NF1: variants seen among roughly 807,000 people sequenced by gnomAD.
The protein encoded by NF1 is neurofibromin.
NF1 carries 122 observed loss-of-function variants against 325.7 expected under a neutral mutation model. The observed-to-expected ratio is 0.37, with a 90% CI of 0.32 to 0.44. The LOEUF is 0.44. Ranked by LOEUF, NF1 falls within the 20% of genes least tolerant of loss-of-function variation. The probability of loss-of-function intolerance (pLI) is 1.00; values close to 1 mark genes in which losing one functional copy is unlikely to be tolerated. For synonymous variants in NF1, 1,091 were observed against 1,186.0 expected (o/e 0.92, Z 1.65); for missense variants, 2,140 against 3,415.4 (o/e 0.63, Z 9.31).
chr17:31,207,507 G>C (rs2066644772), intron 12 of NF1, among the ~76,000 whole-genome samples: 1 of 152,084 alleles, frequency 6.6e-6, no homozygotes, highest in African/African-American at 2.4e-5. Flanking sequence ...TGTTCAAATA[G>C]AGAAGTTTTT....
chr17:31,304,544 C>T, intron 36 of NF1: 1 of 1,614,136 alleles, frequency 6.2e-7, no homozygotes, highest in East Asian at 2.2e-5. Flanking sequence ...GTGGGTTTGT[C>T]AGATTGGTTA....
At chr17:31,373,962 T>C (rs2151601031) in intron 57 of NF1, 51 bp from the exon 58 acceptor site, 1 of 1,610,936 alleles carries the variant, frequency 6.2e-7, no homozygotes, top group Non-Finnish European at 8.5e-7. Context: ...GCAATGAAAT[T>C]CAGTCCTGGA....
intron 19 of NF1, 92 bp downstream of exon 19, chr17:31,227,383 G>C: frequency 6.7e-7 from 1 of 1,488,804 alleles, no homozygotes; most frequent in Non-Finnish European, 9.4e-7. Context: ...AATAGCTTTT[G>C]AAGTAAATCC....
chr17:31,103,821 A>G (rs1202106108), intron 1 of NF1, among the ~76,000 whole-genome samples: 1 of 152,092 alleles, frequency 6.6e-6, no homozygotes, highest in Non-Finnish European at 1.5e-5. Flanking sequence ...AGTAAAAAAA[A>G]CAAATAAAAA....
intron 49 of NF1, 77 bp downstream of exon 49, chr17:31,349,328 A>G (rs2151573288): frequency 6.6e-7 from 1 of 1,505,100 alleles, no homozygotes; most frequent in Non-Finnish European, 9.0e-7. Flanking sequence ...AAATACCTAT[A>G]GGTTTTTTGG....
At chr17:31,128,574 C>T (rs756872813) in intron 1 of NF1, 1 of 151,904 alleles carries the variant, frequency 6.6e-6, no homozygotes, top group Non-Finnish European at 1.5e-5. Flanking sequence ...TTTTCCTTTG[C>T]TTATGTAGCT....
At position 31,345,744 on chromosome 17, in the gene NF1, G is replaced by A. The variant is rs919314233; in HGVS notation, c.7189+2609G>A. The A allele has an allele frequency of 5.0e-4, 776 of 1,553,302 alleles. 1 individual carries two copies. Among genetic ancestry groups the A allele is most frequent in the Non-Finnish European group, 3.8e-4 (422 of 1,124,688 alleles). On this transcript the variant is annotated intron_variant, in intron 48 of 57. Coordinates refer to ENST00000358273, the MANE Select transcript of NF1 (RefSeq NM_001042492.3). ...TGTGATCACACGCCTAATGATGTCC[G>A]AGTTGGAGAATAGGCGTGGCCAGCA...
chr17:31,246,647 G>A (rs1403410197), intron 29 of NF1, among the ~76,000 whole-genome samples: 1 of 152,158 alleles, frequency 6.6e-6, no homozygotes, highest in Non-Finnish European at 1.5e-5. Context: ...TGTATTTTGA[G>A]AGTTCAGATT....
At chr17:31,107,082 A>T (rs1021121778) in intron 1 of NF1, among the ~76,000 whole-genome samples, 11 of 152,028 alleles carry the variant, frequency 7.2e-5, no homozygotes, top group Non-Finnish European at 1.3e-4. Flanking sequence ...TCCCTATAAC[A>T]ACCCTCAAAT....
At chr17:31,320,026 A>T (rs1165458872) in intron 36 of NF1, among the ~76,000 whole-genome samples, 1 of 152,124 alleles carries the variant, frequency 6.6e-6, no homozygotes. Context: ...CAAAAAGGAG[A>T]CAAGTTATAT....
chr17:31,132,144 G>A (rs1212841419), intron 1 of NF1, among the ~76,000 whole-genome samples: 1 of 152,020 alleles, frequency 6.6e-6, no homozygotes, highest in Non-Finnish European at 1.5e-5. Context: ...TGTTGCCCAG[G>A]CTGGTCTTGA....
At chr17:31,255,284 C>T (rs1031082903) in intron 31 of NF1, among the ~76,000 whole-genome samples, 2 of 152,054 alleles carry the variant, frequency 1.3e-5, no homozygotes, top group Non-Finnish European at 1.5e-5. Context: ...GGTCTCAACA[C>T]ACAGACTGGC....
Position 31,230,114 on chromosome 17 carries a change from G to A in NF1, c.2990+140G>A, listed in dbSNP as rs542496231. 4 of 1,412,526 alleles carry A rather than the reference G, an allele frequency of 2.8e-6. No individual in the cohort carries two copies. In the African/African-American group the frequency reaches 4.3e-5, roughly 15 times the overall value. The allele number at this position is 1,412,526 out of a possible 1,614,324, so 87.5% of individuals were successfully genotyped here. ...CTAGGGTGTGACAGTAAGGTAGCCAGAAGTTGTGTACGTTCTTTTCTAAAT... is the reference window on the plus strand; with the variant it reads ...CTAGGGTGTGACAGTAAGGTAGCCAAAAGTTGTGTACGTTCTTTTCTAAAT... On this transcript the variant is annotated intron_variant, in intron 22 of 57. Coordinates refer to ENST00000358273, the MANE Select transcript of NF1 (RefSeq NM_001042492.3).
intron 12 of NF1, among the ~76,000 whole-genome samples, chr17:31,212,420 T>G (rs987162087): frequency 2.6e-5 from 4 of 152,222 alleles, no homozygotes; most frequent in Non-Finnish European, 5.9e-5. Flanking sequence ...CAAAGTATAC[T>G]ATAGTAGGCT....
intron 14 of NF1, among the ~76,000 whole-genome samples, chr17:31,221,512 T>C (rs1376261088): frequency 6.6e-6 from 1 of 152,174 alleles, no homozygotes; most frequent in African/African-American, 2.4e-5. Context: ...TAGCTTTTTG[T>C]TTCATAGAGT....
intron 3 of NF1, among the ~76,000 whole-genome samples, chr17:31,162,200 G>A (rs1251901988): frequency 2.0e-5 from 3 of 152,098 alleles, no homozygotes; most frequent in Non-Finnish European, 4.4e-5. Context: ...ATATGGGCCA[G>A]GCGTAGTGGC....
intron 37 of NF1, 43 bp from the exon 38 acceptor site, chr17:31,327,456 G>T (rs2151540602): frequency 6.7e-7 from 1 of 1,488,104 alleles, no homozygotes; most frequent in Non-Finnish European, 9.3e-7. Context: ...ATGTAAAAGA[G>T]TTTAATTCTT....
In NF1 at chr17:31,116,876, G is replaced by A. The variant is rs183855895; in HGVS notation, c.60+21507G>A. ...TTTTTTTTAGTAGAGACAGGGTTTC[G>A]CTGTGTTAGCCAGGATGGTCTCGAT... On this transcript the variant is annotated intron_variant, in intron 1 of 57. Coordinates refer to ENST00000358273, the MANE Select transcript of NF1 (RefSeq NM_001042492.3). Among the ~76,000 whole-genome samples, 485 of 150,180 alleles carry A rather than the reference G, an allele frequency of 3.2e-3. 2 individuals are homozygous for A. The highest frequency in any genetic ancestry group is 0.011 in the African/African-American group (462 of 40,906).
chr17:31,191,196 C>A (rs894864218), intron 8 of NF1, among the ~76,000 whole-genome samples: 28 of 152,098 alleles, frequency 1.8e-4, no homozygotes, highest in African/African-American at 6.5e-4. Context: ...AAATATTTAT[C>A]TCTGTGAATA....
Sources: gnomAD v4.1 joint callset for allele counts (sites outside exome capture counted in the v4.1 genomes callset) on GRCh38, gnomAD v4.1.1 for gene constraint, MANE v1.5 for transcripts, NCBI Gene and HGNC (gene_info 2026-07-23, HGNC 2026-07-21) for gene names.